The following ZNF423 variants were observed in gnomAD, a reference collection of about 807,000 sequenced individuals.
ZNF423 encodes zinc finger protein 423.
ZNF423 carries 12 observed loss-of-function variants against 95.8 expected under a neutral mutation model. The ratio of observed to expected loss-of-function variants is 0.13; its 90% confidence interval spans 0.08 to 0.20. ZNF423 has a LOEUF of 0.20. Among genes scored for constraint, ZNF423 ranks in the 10% least tolerant of loss-of-function variants. The pLI is 1.00. For synonymous variants in ZNF423, 749 were observed against 711.9 expected (o/e 1.05, Z -0.83); for missense variants, 1,316 against 1,737.1 (o/e 0.76, Z 4.31).
At chr16:49,776,298 G>C (rs963727794) in intron 2 of ZNF423, among the ~76,000 whole-genome samples, 2 of 152,216 alleles carry the variant, frequency 1.3e-5, no homozygotes, top group African/African-American at 4.8e-5. Context: ...ACTCTGGCCT[G>C]CGAGGGCCAG....
chr16:49,593,895 C>G (rs1971097042), intron 5 of ZNF423, among the ~76,000 whole-genome samples: 1 of 152,196 alleles, frequency 6.6e-6, no homozygotes, highest in Non-Finnish European at 1.5e-5. Flanking sequence ...CAGAAGGCAG[C>G]AGAAATCTCT....
chr16:49,567,539 A>C (rs1027815937), intron 5 of ZNF423, among the ~76,000 whole-genome samples: 3 of 152,060 alleles, frequency 2.0e-5, no homozygotes, highest in Non-Finnish European at 4.4e-5. Context: ...GTCGCCGTTC[A>C]TGCTGGCCAA....
At chr16:49,565,199 C>A (rs904019551) in intron 5 of ZNF423, among the ~76,000 whole-genome samples, 7 of 152,292 alleles carry the variant, frequency 4.6e-5, no homozygotes, top group Admixed American at 2.6e-4. Context: ...ATTTGTAACC[C>A]TTTTCAGTGC....
At chr16:49,716,570 T>C (rs1449046320) in intron 3 of ZNF423, among the ~76,000 whole-genome samples, 3 of 152,164 alleles carry the variant, frequency 2.0e-5, no homozygotes, top group East Asian at 3.9e-4. Flanking sequence ...CCCCTGTACA[T>C]TTTTTCTCTG....
intron 5 of ZNF423, among the ~76,000 whole-genome samples, chr16:49,582,932 C>T (rs925045134): frequency 6.6e-6 from 1 of 152,328 alleles, no homozygotes; most frequent in Middle Eastern, 3.4e-3. Context: ...TACTCCCTAT[C>T]CATATGTGAA....
intron 5 of ZNF423, among the ~76,000 whole-genome samples, chr16:49,576,656 C>T (rs1216085255): frequency 3.3e-5 from 5 of 152,224 alleles, no homozygotes; most frequent in African/African-American, 1.2e-4. Flanking sequence ...GCTGCCCACA[C>T]AGTCTGCCCC....
intron 3 of ZNF423, among the ~76,000 whole-genome samples, chr16:49,690,167 A>C (rs1227061202): frequency 6.6e-6 from 1 of 152,224 alleles, no homozygotes. Flanking sequence ...ATCGCCATGC[A>C]AGAGAGGCTT....
chr16:49,817,096 G>A (rs981441688), intron 1 of ZNF423, among the ~76,000 whole-genome samples: 2 of 152,118 alleles, frequency 1.3e-5, no homozygotes, highest in African/African-American at 4.8e-5. Context: ...GAGAAGCATC[G>A]CCACATTTGC....
At position 49,635,702 on chromosome 16, in the gene ZNF423, G is replaced by C. The variant is rs1376043491; in HGVS notation, c.3474C>G (p.Thr1158=). ...QVDHRDLTPE[T]SGPRKGTQTS... ...TCTGGGTGCCTTTCCGGGGCCCACT[G>C]GTCTCCGGCGTGAGGTCACGGTGGT... The change falls in exon 4 of 8, where the codon ACC becomes ACG. Residue 1158 remains threonine (T), a synonymous_variant. Coordinates refer to ENST00000563137, the MANE Select transcript of ZNF423 (RefSeq NM_001379286.1). The surrounding 1 kb of genome is among the most constrained non-coding windows in gnomAD (Gnocchi z 4.8). 6.2e-7 allele frequency: 1 copy of C among 1,600,224 alleles called. No individual in the cohort carries two copies. The highest frequency in any genetic ancestry group is 1.1e-5 in the South Asian group (1 of 89,298).
chr16:49,719,840 T>G lies in ZNF423; in HGVS notation c.301+10931A>C, dbSNP rs112616187. Among the ~76,000 whole-genome samples the G allele has an allele frequency of 1.6e-3, 248 of 152,298 alleles. 4 individuals are homozygous for G. Among genetic ancestry groups the G allele is most frequent in the African/African-American group, 5.7e-3 (235 of 41,550 alleles). On this transcript the variant is annotated intron_variant, in intron 3 of 7. Transcript: ENST00000563137. ...AGTCTCAGGTAGTTCTTTATAGCAG[T>G]GTGAAAATGAACTAATATACTGGGT...
At chr16:49,499,844 G>T (rs748880524) in intron 7 of ZNF423, among the ~76,000 whole-genome samples, 1 of 152,180 alleles carries the variant, frequency 6.6e-6, no homozygotes, top group Non-Finnish European at 1.5e-5. Context: ...CCCACCAGGG[G>T]ATAGATTATT....
At chr16:49,856,427 G>GAAA (rs550708499), upstream of ZNF423, among the ~76,000 whole-genome samples, 4 of 121,676 alleles carry the variant, frequency 3.3e-5, no homozygotes, top group Admixed American at 8.1e-5. Context: ...TACCCCCCAG[G>GAAA]AAAAAAAAAA....
chr16:49,854,563 C>T, intron 1 of ZNF423: 8 of 985,444 alleles, frequency 8.1e-6, no homozygotes, highest in Non-Finnish European at 9.6e-6. Context: ...GCTTTTGGCT[C>T]CGTAGACTTA....
In ZNF423 at chr16:49,489,322, T is replaced by C. The variant is rs912235999; in HGVS notation, c.*1953A>G. The C allele has an allele frequency of 3.9e-5, 6 of 152,318 alleles. No individual in the cohort carries two copies. The highest frequency in any genetic ancestry group is 2.6e-4 in the Admixed American group (4 of 15,282). 9.4% of individuals were successfully genotyped at this position (152,318 alleles called of 1,614,324 possible). On this transcript the variant is annotated 3_prime_UTR_variant, in exon 8 of 8. Coordinates refer to ENST00000563137, the MANE Select transcript of ZNF423 (RefSeq NM_001379286.1). Reference sequence around the variant, plus strand: ...GATGTGTGGCAGCCTCACTCAGACATAGCCCCAGCCCCAGGCCCCAAGCCC... The same window carrying C: ...GATGTGTGGCAGCCTCACTCAGACACAGCCCCAGCCCCAGGCCCCAAGCCC...
intron 3 of ZNF423, among the ~76,000 whole-genome samples, chr16:49,655,522 G>A (rs1370666458): frequency 6.6e-6 from 1 of 152,198 alleles, no homozygotes; most frequent in Admixed American, 6.5e-5. Flanking sequence ...CAATCAGCAT[G>A]GGGTCCCCTT....
rs191466097 is a variant in ZNF423 at position 49,646,703 on chromosome 16, A to G, written c.302-7829T>C. ...CTCTGCCTCGGTAGGAATCCTGAGT[A>G]GCTGGGATTACAGGCACCCACCACC... On this transcript the variant is annotated intron_variant, in intron 3 of 7. Coordinates refer to ENST00000563137, the MANE Select transcript of ZNF423 (RefSeq NM_001379286.1). 3.5e-4 allele frequency among the ~76,000 whole-genome samples: 53 copies of G among 151,460 alleles called. 1 individual carries two copies. Among genetic ancestry groups the G allele is most frequent in the African/African-American group, 1.2e-3 (50 of 41,346 alleles).
chr16:49,605,689 G>A (rs963525935), intron 5 of ZNF423, among the ~76,000 whole-genome samples: 1 of 152,292 alleles, frequency 6.6e-6, no homozygotes, highest in East Asian at 1.9e-4. Context: ...TGAGCTGGGC[G>A]AGGTGGCTTC....
At chr16:49,498,276 C>T (rs571733885) in intron 7 of ZNF423, among the ~76,000 whole-genome samples, 7 of 152,248 alleles carry the variant, frequency 4.6e-5, no homozygotes, top group Non-Finnish European at 8.8e-5. Context: ...AGGCCCAGGT[C>T]CTGCCACTGG....
Position 49,730,893 on chromosome 16 carries a change from T to C in ZNF423, c.179A>G (p.Glu60Gly), listed in dbSNP as rs1480302068. ...GTCTTCATCATCCTCATTTCTCTCC[T>C]CTTGACTTGTCACGCTGTTCCTGTC... The part of the protein sequence containing the change: ...LEDRNSVTSQ[E>G]ERNEDDEDME... The change falls in exon 3 of 8, where the codon GAG (glutamate) becomes GGG (glycine). Residue 60 changes from glutamate to glycine, a missense_variant. Coordinates refer to ENST00000563137, the MANE Select transcript of ZNF423 (RefSeq NM_001379286.1). The C allele has an allele frequency of 6.2e-7, 1 of 1,614,218 alleles. No homozygotes were observed. The highest frequency in any genetic ancestry group is 2.2e-5 in the East Asian group (1 of 44,876).
Sources: gnomAD v4.1 joint callset for allele counts (sites outside exome capture counted in the v4.1 genomes callset) on GRCh38, gnomAD v4.1.1 for gene constraint, Gnocchi (gnomAD v3.1) non-coding constraint, MANE v1.5 for transcripts, NCBI Gene and HGNC (gene_info 2026-07-23, HGNC 2026-07-21) for gene names.